Variants in SUGCT observed in about 807,000 individuals in gnomAD.
SUGCT encodes the protein succinyl-CoA:glutarate-CoA transferase, also known as succinyl-CoA:glutarate CoA-transferase.
Under a neutral mutation model 55.0 loss-of-function variants are expected in SUGCT, and 41 were observed. The observed-to-expected ratio is 0.74, with a 90% CI of 0.58 to 0.97. The LOEUF (loss-of-function observed/expected upper bound fraction) is 0.97. SUGCT is among the 50% of genes least tolerant of loss of function. SUGCT has a pLI of 0.00. For synonymous variants in SUGCT, 187 were observed against 200.4 expected (o/e 0.93, Z 0.56); for missense variants, 568 against 547.8 (o/e 1.04, Z -0.37).
rs148696540 is a variant in SUGCT at position 40,439,842 on chromosome 7, C to G, written c.817-9445C>G. Among the ~76,000 whole-genome samples, 367 of 152,224 alleles carry G rather than the reference C, an allele frequency of 2.4e-3. 1 individual carries two copies. Among genetic ancestry groups the G allele is most frequent in the Admixed American group, 4.6e-3 (71 of 15,284 alleles). ...AAACAGATGTCTGTGTGTGCTTGCT[C>G]CCTTTCCTTAACAGTTATGGAGTCC... On this transcript the variant is annotated intron_variant, in intron 9 of 13. Transcript: ENST00000335693.
intron 8 of SUGCT, among the ~76,000 whole-genome samples, chr7:40,286,939 C>T (rs754805433): frequency 1.3e-5 from 2 of 152,128 alleles, no homozygotes; most frequent in Admixed American, 6.5e-5. Context: ...GTAGAAGCAA[C>T]ACAAGACTGC....
At chr7:40,312,908 G>A (rs1795238432) in intron 8 of SUGCT, among the ~76,000 whole-genome samples, 1 of 152,120 alleles carries the variant, frequency 6.6e-6, no homozygotes, top group Non-Finnish European at 1.5e-5. Flanking sequence ...CATTTTACCT[G>A]TCACACTTGG....
chr7:40,603,928 A>G (rs768370131), intron 12 of SUGCT, among the ~76,000 whole-genome samples: 1 of 152,202 alleles, frequency 6.6e-6, no homozygotes, highest in Non-Finnish European at 1.5e-5. Context: ...TTTAAGATAT[A>G]GATAATATCC....
At chr7:40,798,438 A>G (rs990675233) in intron 13 of SUGCT, among the ~76,000 whole-genome samples, 5 of 152,192 alleles carry the variant, frequency 3.3e-5, no homozygotes, top group African/African-American at 1.2e-4. Context: ...ATGTGTTTTG[A>G]ATTGCTGAGG....
At chr7:40,945,761 AG>A in the SUGCT span, among the ~76,000 whole-genome samples, 1 of 152,160 alleles carries the variant, frequency 6.6e-6, no homozygotes, top group Non-Finnish European at 1.5e-5. Flanking sequence ...CCCCAGGAGT[AG>A]GAGTCCCTCC....
the SUGCT span, among the ~76,000 whole-genome samples, chr7:40,958,080 G>T: frequency 6.6e-6 from 1 of 152,024 alleles, no homozygotes; most frequent in Non-Finnish European, 1.5e-5. Flanking sequence ...CTTTCTCTCT[G>T]GCTGCCCTTA....
At chr7:40,138,042 GAT>G (rs1787788260) in intron 1 of SUGCT, among the ~76,000 whole-genome samples, 2 of 152,096 alleles carry the variant, frequency 1.3e-5, no homozygotes, top group African/African-American at 4.8e-5. Flanking sequence ...TTGCTACATT[GAT>G]ATATTGTATT....
chr7:40,322,272 G>A (rs1039909669), intron 9 of SUGCT, among the ~76,000 whole-genome samples: 19 of 152,042 alleles, frequency 1.2e-4, no homozygotes, highest in Non-Finnish European at 1.9e-4. Context: ...TGGCTTCAGA[G>A]GTCCCTTGTC....
chr7:40,626,776 T>C (rs1562909794), intron 12 of SUGCT, among the ~76,000 whole-genome samples: 1 of 152,180 alleles, frequency 6.6e-6, no homozygotes, highest in Non-Finnish European at 1.5e-5. Flanking sequence ...TGCTTATCTT[T>C]ACTGAGCTTC....
intron 9 of SUGCT, among the ~76,000 whole-genome samples, chr7:40,383,076 G>A (rs192523021): frequency 3.3e-5 from 5 of 152,280 alleles, no homozygotes; most frequent in Admixed American, 1.3e-4. Context: ...AAAGCATTAC[G>A]TGGAGGGATT....
In SUGCT at chr7:40,159,687, C is replaced by G. The variant is rs910848511; in HGVS notation, c.101-21260C>G. Among the ~76,000 whole-genome samples the G allele has an allele frequency of 2.0e-5, 3 of 151,990 alleles. No individual in the cohort carries two copies. In the South Asian group the frequency reaches 6.2e-4, roughly 32 times the overall value. On this transcript the variant is annotated intron_variant, in intron 1 of 13. Coordinates refer to ENST00000335693, the MANE Select transcript of SUGCT (RefSeq NM_001193313.2). ...CCTGGCCGGATTCTAGTTTTTATAGCTATCCTCAGAGGAGCATGGGACTGA... is the reference window on the plus strand; with the variant it reads ...CCTGGCCGGATTCTAGTTTTTATAGGTATCCTCAGAGGAGCATGGGACTGA...
intron 7 of SUGCT, among the ~76,000 whole-genome samples, chr7:40,240,192 G>A (rs555040276): frequency 6.6e-6 from 1 of 152,252 alleles, no homozygotes; most frequent in East Asian, 1.9e-4. Flanking sequence ...TGATTGAAAA[G>A]AATCAGGCCA....
chr7:40,243,151 A>G (rs1446857702), intron 7 of SUGCT, among the ~76,000 whole-genome samples: 2 of 150,044 alleles, frequency 1.3e-5, no homozygotes, highest in African/African-American at 2.4e-5. Flanking sequence ...ATCTTTTTTT[A>G]ATGCATACAG....
intron 12 of SUGCT, among the ~76,000 whole-genome samples, chr7:40,602,660 T>C (rs1798350295): frequency 6.6e-6 from 1 of 152,200 alleles, no homozygotes; most frequent in Non-Finnish European, 1.5e-5. Flanking sequence ...ACAGAGCTGA[T>C]CATGACCCTC....
chr7:40,681,698 T>C (rs1160694287), intron 12 of SUGCT, among the ~76,000 whole-genome samples: 1 of 152,142 alleles, frequency 6.6e-6, no homozygotes, highest in Admixed American at 6.5e-5. Context: ...ATACATTGGT[T>C]TGACCTCAAA....
the SUGCT span, among the ~76,000 whole-genome samples, chr7:40,900,500 C>T: frequency 3.3e-5 from 5 of 152,216 alleles, no homozygotes; most frequent in African/African-American, 1.2e-4. Flanking sequence ...TGAAAGAAAA[C>T]TATCTTTAGT....
intron 12 of SUGCT, among the ~76,000 whole-genome samples, chr7:40,679,188 T>G (rs940367106): frequency 1.3e-5 from 2 of 152,214 alleles, no homozygotes; most frequent in Admixed American, 1.3e-4. Flanking sequence ...ATCTTGACAC[T>G]AAATTCACTG....
intron 1 of SUGCT, among the ~76,000 whole-genome samples, chr7:40,144,588 T>C (rs1788152364): frequency 6.6e-6 from 1 of 152,186 alleles, no homozygotes; most frequent in South Asian, 2.1e-4. Context: ...TTCAGGCTGT[T>C]GCTGGTTTAC....
At chr7:40,732,800 A>G (rs1481883610) in intron 12 of SUGCT, among the ~76,000 whole-genome samples, 1 of 152,136 alleles carries the variant, frequency 6.6e-6, no homozygotes, top group Non-Finnish European at 1.5e-5. Flanking sequence ...CAGGTTGATG[A>G]CACCTGATTG....
Sources: allele counts gnomAD v4.1 joint callset (sites outside exome capture counted in the v4.1 genomes callset), GRCh38; gene constraint gnomAD v4.1.1; transcripts MANE v1.5; gene names NCBI Gene and HGNC (gene_info 2026-07-23, HGNC 2026-07-21).